The following STK32A variants were observed in gnomAD, a reference collection of about 807,000 sequenced individuals.
STK32A encodes serine/threonine-protein kinase 32A.
A neutral mutation model predicts 53.2 loss-of-function variants in STK32A; 41 were observed. That is an observed-to-expected ratio of 0.77 (90% CI 0.60 to 1.00). STK32A has a LOEUF of 1.00. Among genes scored for constraint, STK32A ranks in the 50% least tolerant of loss-of-function variants. STK32A has a pLI of 0.00. For synonymous variants in STK32A, 166 were observed against 162.8 expected, an observed-to-expected ratio of 1.02 and a Z score of -0.15; for missense variants, 458 against 485.8, an observed-to-expected ratio of 0.94 and a Z score of 0.54.
intron 9 of STK32A, among the ~76,000 whole-genome samples, chr5:147,372,136 A>T (rs1339241787): frequency 6.6e-6 from 1 of 152,132 alleles, no homozygotes; most frequent in East Asian, 1.9e-4. Context: ...AATGAGGTCC[A>T]CAGCTTTCAT....
At chr5:147,381,412 G>T (rs950783376) in intron 11 of STK32A, among the ~76,000 whole-genome samples, 5 of 152,132 alleles carry the variant, frequency 3.3e-5, no homozygotes, top group African/African-American at 1.2e-4. Context: ...GGAGGCTGAG[G>T]CAGGCGGATC....
Position 147,343,172 on chromosome 5 carries a change from C to T in STK32A, c.472+129C>T, listed in dbSNP as rs752449771. On this transcript the variant is annotated intron_variant, in intron 6 of 12. Transcript: ENST00000397936. ...TTCATTCGAGCTCTACTTACAAACT[C>T]CTCATAGACAATATGGGGGAACTTT... The T allele has an allele frequency of 2.3e-5, 23 of 979,826 alleles. No homozygotes were observed. The South Asian group carries it at 3.0e-4, about 13-fold the overall frequency. The allele number at this position is 979,826 out of a possible 1,614,324, so 60.7% of individuals were successfully genotyped here. A position where few individuals can be genotyped will look rare whatever the true frequency, so the allele number is the denominator to read the frequency against.
intron 2 of STK32A, among the ~76,000 whole-genome samples, chr5:147,258,599 A>C (rs1400588428): frequency 6.6e-6 from 1 of 152,142 alleles, no homozygotes; most frequent in Non-Finnish European, 1.5e-5. Flanking sequence ...ACTTGTTGTA[A>C]ACATCCCTTT....
At chr5:147,323,426 G>A (rs1004078638) in intron 4 of STK32A, among the ~76,000 whole-genome samples, 1 of 152,114 alleles carries the variant, frequency 6.6e-6, no homozygotes, top group African/African-American at 2.4e-5. Context: ...TCATTAATGT[G>A]GGACATGATC....
chr5:147,291,547 C>T (rs77237697), intron 4 of STK32A, among the ~76,000 whole-genome samples: 50,650 of 148,336 alleles, frequency 0.34, 8,839 homozygotes, highest in South Asian at 0.6. Flanking sequence ...ATAACAATTA[C>T]AATTAAAAAA....
chr5:147,384,141 C>A lies in STK32A; in HGVS notation c.*158C>A. 1 of 1,467,076 alleles carries A rather than the reference C, an allele frequency of 6.8e-7. No homozygotes were observed. The highest frequency in any genetic ancestry group is 8.9e-7 in the Non-Finnish European group (1 of 1,122,654). 90.9% of individuals were successfully genotyped at this position (1,467,076 alleles called of 1,614,324 possible). A position where few individuals can be genotyped will look rare whatever the true frequency, so the allele number is the denominator to read the frequency against. ...AAGGCAGCACAACACAGTGAAGGGT[C>A]CTGGGCCTGAGCTCCTGGGATGTCA... On this transcript the variant is annotated 3_prime_UTR_variant, in exon 13 of 13. Transcript: ENST00000397936.
chr5:147,383,788 G>A (rs552511928), intron 12 of STK32A, 102 bp from the exon 13 acceptor site: 1 of 1,123,882 alleles, frequency 8.9e-7, no homozygotes, highest in East Asian at 2.8e-5. Context: ...CTTGGCTCAT[G>A]CTTATTTATA....
chr5:147,297,860 A>T (rs1006230849), intron 4 of STK32A, among the ~76,000 whole-genome samples: 3 of 151,946 alleles, frequency 2.0e-5, no homozygotes, highest in Non-Finnish European at 4.4e-5. Context: ...CGTGCCTGTA[A>T]TCTCAGCTAC....
At chr5:147,244,037 C>CA (rs1249822534) in intron 2 of STK32A, among the ~76,000 whole-genome samples, 1 of 147,850 alleles carries the variant, frequency 6.8e-6, no homozygotes, top group African/African-American at 2.5e-5. Context: ...CAATAACATC[C>CA]ACATTCCATC....
At chr5:147,269,060 C>T (rs190249292) in intron 2 of STK32A, among the ~76,000 whole-genome samples, 3 of 152,290 alleles carry the variant, frequency 2.0e-5, no homozygotes, top group Admixed American at 2.0e-4. Flanking sequence ...TGCCACTTAC[C>T]TACTTTGTGG....
At chr5:147,247,074 C>T (rs1033884293) in intron 2 of STK32A, among the ~76,000 whole-genome samples, 2 of 152,206 alleles carry the variant, frequency 1.3e-5, no homozygotes, top group Admixed American at 1.3e-4. Context: ...CAACTTGCAA[C>T]TACCTAGGTT....
chr5:147,358,712 G>T (rs1756366140), intron 7 of STK32A, among the ~76,000 whole-genome samples: 1 of 152,030 alleles, frequency 6.6e-6, no homozygotes, highest in African/African-American at 2.4e-5. Context: ...TAATTTAATG[G>T]AATTTAATAG....
intron 1 of STK32A, 92 bp downstream of exon 1, chr5:147,235,291 G>C (rs1278629718): frequency 6.6e-6 from 1 of 152,382 alleles, no homozygotes; most frequent in Non-Finnish European, 1.5e-5. Context: ...GAGAAGAGAA[G>C]ACAAAGGCTG....
chr5:147,288,545 G>A (rs944047542), intron 4 of STK32A, among the ~76,000 whole-genome samples: 5 of 152,068 alleles, frequency 3.3e-5, no homozygotes, highest in African/African-American at 1.2e-4. Context: ...CTTCTGCTTT[G>A]GGGAGGACTC....
chr5:147,329,569 G>A (rs1372582171), intron 5 of STK32A, among the ~76,000 whole-genome samples: 6 of 152,230 alleles, frequency 3.9e-5, no homozygotes, highest in Admixed American at 3.3e-4. Context: ...AAATGTTGTG[G>A]CATGTGCCAT....
chr5:147,318,351 C>T (rs1331934121), intron 4 of STK32A, among the ~76,000 whole-genome samples: 4 of 151,914 alleles, frequency 2.6e-5, no homozygotes, highest in East Asian at 3.9e-4. Flanking sequence ...ATAATTTATT[C>T]CCATGCTCCC....
intron 7 of STK32A, among the ~76,000 whole-genome samples, chr5:147,356,545 G>T (rs554639942): frequency 6.6e-6 from 1 of 152,264 alleles, no homozygotes; most frequent in African/African-American, 2.4e-5. Context: ...ACATGCTGCA[G>T]TACTGTCCCT....
intron 2 of STK32A, among the ~76,000 whole-genome samples, chr5:147,250,420 GAT>G (rs1190425358): frequency 6.6e-6 from 1 of 152,194 alleles, no homozygotes; most frequent in Non-Finnish European, 1.5e-5. Flanking sequence ...CAAGGCAGTG[GAT>G]AGCAATCTAG....
At chr5:147,372,345 T>C (rs1757040662) in intron 9 of STK32A, among the ~76,000 whole-genome samples, 1 of 146,310 alleles carries the variant, frequency 6.8e-6, no homozygotes, top group African/African-American at 2.6e-5. Flanking sequence ...AAAATAGCTT[T>C]AGTGGCTAAG....
Sources: gnomAD v4.1 joint callset for allele counts (sites outside exome capture counted in the v4.1 genomes callset) on GRCh38, gnomAD v4.1.1 for gene constraint, MANE v1.5 for transcripts, NCBI Gene and HGNC (gene_info 2026-07-23, HGNC 2026-07-21) for gene names.